MYT1: variants seen among roughly 807,000 people sequenced by gnomAD.
MYT1 encodes myelin transcription factor I.
A neutral mutation model predicts 123.0 loss-of-function variants in MYT1; 23 were observed. The ratio of observed to expected loss-of-function variants is 0.19; its 90% CI spans 0.13 to 0.26. MYT1 has a LOEUF of 0.26. MYT1 is among the 10% of genes least tolerant of loss of function. MYT1 has a pLI of 1.00. For synonymous variants in MYT1, 518 were observed against 575.3 expected (o/e 0.90, Z 1.43); for missense variants, 1,125 against 1,472.5 (o/e 0.76, Z 3.86).
chr20:64,224,631 G>A (rs117900764), intron 16 of MYT1, among the ~76,000 whole-genome samples: 3 of 152,242 alleles, frequency 2.0e-5, no homozygotes, highest in East Asian at 1.9e-4. Flanking sequence ...TCATTCTGCC[G>A]CCCACTTTGT....
chr20:64,228,278 G>A (rs1481768204), intron 18 of MYT1, among the ~76,000 whole-genome samples: 1 of 152,206 alleles, frequency 6.6e-6, no homozygotes, highest in East Asian at 1.9e-4. Context: ...ATGTCTTAGG[G>A]CCACCTGGGA....
chr20:64,186,534 C>T lies in MYT1; in HGVS notation c.-98-3529C>T, dbSNP rs1982806865. On this transcript the variant is annotated intron_variant, in intron 1 of 22. Coordinates refer to ENST00000328439, the MANE Select transcript of MYT1 (RefSeq NM_004535.3). This position sits in a 1 kb window ranked among gnomAD's most constrained non-coding sequence, Gnocchi z 4.3. Reference sequence around the variant, plus strand: ...CATGGGTTCACTTCCAGGCTCCGTCCACACATGTCTCTCCATCTCCAAATA... The same window carrying T: ...CATGGGTTCACTTCCAGGCTCCGTCTACACATGTCTCTCCATCTCCAAATA... Among the ~76,000 whole-genome samples, 2 of 152,372 alleles carry T rather than the reference C, an allele frequency of 1.3e-5. No homozygotes were observed. The highest frequency in any genetic ancestry group is 2.9e-5 in the Non-Finnish European group (2 of 68,038).
At chr20:64,180,865 A>G (rs77087143) in intron 1 of MYT1, among the ~76,000 whole-genome samples, 3,201 of 152,222 alleles carry the variant, frequency 0.021, 82 homozygotes, top group South Asian at 0.13. Context: ...GTAGACAGTG[A>G]TCACCACCCC....
At position 64,208,096 on chromosome 20, in the gene MYT1, G is replaced by A. The variant is rs759926961; in HGVS notation, c.900G>A (p.Glu300=). 1.2e-6 allele frequency: 2 copies of A among 1,609,570 alleles called. No individual in the cohort carries two copies. The highest frequency in any genetic ancestry group is 1.7e-6 in the Non-Finnish European group (2 of 1,178,206). Residue 300 remains glutamate (E), a synonymous_variant, in exon 7 of 23, where the codon GAG becomes GAA. Transcript: ENST00000328439. This position sits in a 1 kb window ranked among gnomAD's most constrained non-coding sequence, Gnocchi z 5.4. The stretch of plus-strand genomic sequence containing the variant: ...AGGAAGAGGAGGAGGAAGAGGAAGA[G>A]GAAGAGGAGGAGGAGGAGGCAGCTC... ...EEEEEEEEEE[E]EEEEEEAAPD...
chr20:64,239,959 A>T, intron 22 of MYT1, 56 bp downstream of exon 22: 1 of 1,593,294 alleles, frequency 6.3e-7, no homozygotes, highest in Non-Finnish European at 8.5e-7. Context: ...TCTCTTCGGA[A>T]AGCAGGAGGG....
At chr20:64,228,060 C>T (rs1476967138) in intron 18 of MYT1, 89 bp downstream of exon 18, 1 of 1,268,474 alleles carries the variant, frequency 7.9e-7, no homozygotes, top group Non-Finnish European at 1.1e-6. Flanking sequence ...TACTAGATTC[C>T]CTTTTCATTA....
At chr20:64,223,431 T>C in intron 16 of MYT1, 72 bp downstream of exon 16, 1 of 1,546,356 alleles carries the variant, frequency 6.5e-7, no homozygotes, top group East Asian at 2.2e-5. Flanking sequence ...ATGAGGCTCC[T>C]GCCAAAATCA....
chr20:64,178,752 G>A (rs1208179618), intron 1 of MYT1, among the ~76,000 whole-genome samples: 8 of 143,616 alleles, frequency 5.6e-5, no homozygotes, highest in Admixed American at 1.4e-4. Flanking sequence ...CTTCAACGTG[G>A]GAGCACTGAG....
At chr20:64,194,400 A>T (rs1209409351) in intron 2 of MYT1, among the ~76,000 whole-genome samples, 2 of 152,076 alleles carry the variant, frequency 1.3e-5, no homozygotes, top group Non-Finnish European at 2.9e-5. Context: ...CTGTTTCTTG[A>T]ACTCTCCCCT....
rs979349374 is a variant in MYT1 at position 64,192,402 on chromosome 20, C to T, written c.-1+2242C>T. 6.6e-6 allele frequency among the ~76,000 whole-genome samples: 1 copy of T among 152,182 alleles called. No individual in the cohort carries two copies. On this transcript the variant is annotated intron_variant, in intron 2 of 22. Coordinates refer to ENST00000328439, the MANE Select transcript of MYT1 (RefSeq NM_004535.3). This position sits in a 1 kb window ranked among gnomAD's most constrained non-coding sequence, Gnocchi z 5.3. ...GGCTGAGGAGGGTGGCAGCAGAGGG[C>T]ATAAGCCGTGGTCACAGTGTGAGAA... is the stretch of plus-strand genomic sequence containing the variant.
At chr20:64,206,926 TGAGA>T (rs1365594896) in intron 6 of MYT1, among the ~76,000 whole-genome samples, 2 of 152,200 alleles carry the variant, frequency 1.3e-5, no homozygotes, top group African/African-American at 4.8e-5. Flanking sequence ...GTTTTTGTTT[TGAGA>T]GAGTCTCACT....
At chr20:64,220,939 GC>G (rs66536466) in intron 13 of MYT1, among the ~76,000 whole-genome samples, 34,938 of 82,344 alleles carry the variant, frequency 0.42, 9,190 homozygotes, top group African/African-American at 0.62. Context: ...GCTGGATCAG[GC>G]CCCCTCCACA....
chr20:64,235,780 A>C (rs1278887665), intron 19 of MYT1, among the ~76,000 whole-genome samples: 44 of 51,374 alleles, frequency 8.6e-4, no homozygotes, highest in East Asian at 1.6e-3. Context: ...TGACCCTGGG[A>C]TGGCTGTGGT....
chr20:64,209,922 G>A (rs1184281537), intron 7 of MYT1, among the ~76,000 whole-genome samples: 1 of 152,194 alleles, frequency 6.6e-6, no homozygotes, highest in Admixed American at 6.5e-5. Flanking sequence ...AGCTCTTTGG[G>A]GACCCAGATT....
At position 64,219,940 on chromosome 20, in the gene MYT1, C is replaced by A; in HGVS notation, c.2199C>A (p.Asp733Glu). 1 of 1,544,332 alleles carries A rather than the reference C, an allele frequency of 6.5e-7. No homozygotes were observed. Among genetic ancestry groups the A allele is most frequent in the Non-Finnish European group, 8.8e-7 (1 of 1,142,624 alleles). The change falls in exon 13 of 23, where the codon GAC (aspartate) becomes GAA (glutamate). Residue 733 changes from aspartate (D) to glutamate (E), a missense_variant. Asp to Glu is a conservative substitution (Grantham distance 45). Coordinates refer to ENST00000328439, the MANE Select transcript of MYT1 (RefSeq NM_004535.3). ...AGGACGAGTGGGACCGGCCCCTGGA[C>A]TACACCAAGCCTAGCCGCCTGAGAG... is the stretch of plus-strand genomic sequence containing the variant. ...SRQDEWDRPL[D>E]YTKPSRLREE...
At position 64,178,625 on chromosome 20, in the gene MYT1, C is replaced by T. The variant is rs796562471; in HGVS notation, c.-98-11438C>T. Among the ~76,000 whole-genome samples the T allele has an allele frequency of 2.5e-3, 334 of 131,662 alleles. 3 individuals carry two copies. Among genetic ancestry groups the T allele is most frequent in the African/African-American group, 9.6e-3 (294 of 30,730 alleles). 86.4% of individuals were successfully genotyped at this position (131,662 alleles called of 152,430 possible). A position where few individuals can be genotyped will look rare whatever the true frequency, so the allele number is the denominator to read the frequency against. ...CGTTATTCGGTGAGATACCCTTCAA[C>T]GTGGGAGCACTGAGCCGTTATTCGG... On this transcript the variant is annotated intron_variant, in intron 1 of 22. Transcript: ENST00000328439.
intron 2 of MYT1, among the ~76,000 whole-genome samples, chr20:64,197,616 G>A (rs903206728): frequency 5.3e-5 from 8 of 152,238 alleles, no homozygotes; most frequent in Non-Finnish European, 1.2e-4. Context: ...CCGGCTAGAG[G>A]TGCCCTCCCC....
intron 4 of MYT1, among the ~76,000 whole-genome samples, chr20:64,201,046 C>T (rs1264894380): frequency 2.6e-5 from 4 of 152,144 alleles, no homozygotes; most frequent in East Asian, 1.9e-4. Context: ...GGAGGTGCCA[C>T]GTGGAGTCGC....
chr20:64,218,743 C>T lies in MYT1; in HGVS notation c.1847-168C>T, dbSNP rs796405244. 52 of 846,070 alleles carry T rather than the reference C, an allele frequency of 6.1e-5. 1 individual carries two copies. The African/African-American group carries it at 8.1e-4, about 13-fold the overall frequency. 52.4% of individuals were successfully genotyped at this position (846,070 alleles called of 1,614,324 possible). On this transcript the variant is annotated intron_variant, in intron 11 of 22. Transcript: ENST00000328439. This position sits in a 1 kb window ranked among gnomAD's most constrained non-coding sequence, Gnocchi z 4.0. ...CTGTGCCCTGGGCCCTCCCATCCCT[C>T]CCAAAGTGCCCCCTCCCCACTGACT...
Sources: gnomAD v4.1 joint callset for allele counts (sites outside exome capture counted in the v4.1 genomes callset) on GRCh38, gnomAD v4.1.1 for gene constraint, Gnocchi (gnomAD v3.1) non-coding constraint, MANE v1.5 for transcripts, NCBI Gene and HGNC (gene_info 2026-07-23, HGNC 2026-07-21) for gene names.